Variants in ANXA13 observed in about 807,000 individuals in gnomAD.
ANXA13 encodes annexin XIII.
In ANXA13, 36 loss-of-function variants were observed where a neutral mutation model predicts 46.6. That is an observed-to-expected ratio of 0.77 (90% CI 0.59 to 1.02). ANXA13 has a LOEUF of 1.02. ANXA13 is among the 50% of genes least tolerant of loss of function. ANXA13 has a pLI of 0.00. For synonymous variants in ANXA13, 163 were observed against 152.9 expected (o/e 1.07, Z -0.49); for missense variants, 417 against 396.5 (o/e 1.05, Z -0.44).
At chr8:123,721,788 C>G (rs2129922010) in intron 1 of ANXA13, among the ~76,000 whole-genome samples, 1 of 152,214 alleles carries the variant, frequency 6.6e-6, no homozygotes, top group Admixed American at 6.5e-5. Flanking sequence ...GGGCATGGGT[C>G]CAGACCGTTT....
chr8:123,681,410 C>A, intron 10 of ANXA13, 51 bp from the exon 11 acceptor site: 3 of 1,575,086 alleles, frequency 1.9e-6, no homozygotes, highest in Non-Finnish European at 2.6e-6. Flanking sequence ...GGTGTGTTCA[C>A]AAACAGTGGG....
intron 8 of ANXA13, among the ~76,000 whole-genome samples, chr8:123,692,010 C>G (rs757122579): frequency 2.0e-5 from 3 of 152,220 alleles, no homozygotes; most frequent in Non-Finnish European, 2.9e-5. Flanking sequence ...CAGGGGAGTG[C>G]AGGGTCAGCT....
chr8:123,697,086 T>G (rs1224303794), intron 4 of ANXA13, among the ~76,000 whole-genome samples: 1 of 152,144 alleles, frequency 6.6e-6, no homozygotes, highest in African/African-American at 2.4e-5. Context: ...ATTTTTGTAT[T>G]TTTAGTAGAG....
Position 123,698,475 on chromosome 8 carries a change from C to T in ANXA13, c.271G>A (p.Ala91Thr), listed in dbSNP as rs145732784. 7.6e-4 allele frequency: 1,219 copies of T among 1,614,204 alleles called. 20 individuals carry two copies. In the East Asian group the frequency reaches 0.021, roughly 28 times the overall value. The change falls in exon 4 of 11, where the codon GCC (alanine) becomes ACC (threonine). Residue 91 changes from alanine to threonine, a missense_variant. By Grantham distance (58) the Ala-to-Thr change is moderately conservative (BLOSUM62 0). Transcript: ENST00000419625. ...ATAGCCTTCTGCAGCTGCCGGGCGG[C>T]GTACTCGCTGGGACGGTCCAGAAGG... is the stretch of plus-strand genomic sequence containing the variant. ...LALLDRPSEY[A>T]ARQLQKAMKG...
At chr8:123,700,112 G>T (rs539644821) in intron 3 of ANXA13, among the ~76,000 whole-genome samples, 35 of 152,220 alleles carry the variant, frequency 2.3e-4, no homozygotes, top group Non-Finnish European at 4.0e-4. Context: ...CCTACAAGGG[G>T]GCTGTTATAT....
chr8:123,710,030 A>G (rs1393021215), intron 2 of ANXA13, among the ~76,000 whole-genome samples: 2 of 152,190 alleles, frequency 1.3e-5, no homozygotes, highest in Non-Finnish European at 1.5e-5. Flanking sequence ...AAGTGCTGAG[A>G]TTACAGGTGT....
chr8:123,691,419 A>C (rs944105582), intron 8 of ANXA13, among the ~76,000 whole-genome samples: 2 of 152,204 alleles, frequency 1.3e-5, no homozygotes, highest in African/African-American at 4.8e-5. Flanking sequence ...TCCATAGATT[A>C]CCTTATTGTA....
intron 2 of ANXA13, among the ~76,000 whole-genome samples, chr8:123,704,584 A>T (rs1813506779): frequency 6.6e-6 from 1 of 151,976 alleles, no homozygotes; most frequent in Non-Finnish European, 1.5e-5. Flanking sequence ...TTTAGTAGAG[A>T]TGGGGTTTCA....
intron 9 of ANXA13, among the ~76,000 whole-genome samples, chr8:123,686,470 AAAAGAAAG>A (rs543852343): frequency 1.3e-5 from 2 of 148,806 alleles, no homozygotes; most frequent in Non-Finnish European, 3.0e-5. Context: ...AAAAAAAAAA[AAAAGAAAG>A]AAAGAAAGAA....
intron 1 of ANXA13, chr8:123,735,646 G>A: frequency 7.8e-7 from 1 of 1,283,366 alleles, no homozygotes; most frequent in Non-Finnish European, 1.0e-6. Flanking sequence ...CCTGATGATG[G>A]CTGGTGGCTG....
intron 1 of ANXA13, chr8:123,735,834 T>A: frequency 6.2e-7 from 1 of 1,612,576 alleles, no homozygotes; most frequent in Non-Finnish European, 8.5e-7. Context: ...GGAGTCCCCT[T>A]TAGGCAACTG....
intron 1 of ANXA13, among the ~76,000 whole-genome samples, chr8:123,730,246 T>C (rs373967951): frequency 6.6e-6 from 1 of 152,330 alleles, no homozygotes. Context: ...AGCACTCAAG[T>C]TGTTACTCCC....
chr8:123,724,015 C>A (rs1813935717), intron 1 of ANXA13, among the ~76,000 whole-genome samples: 1 of 152,122 alleles, frequency 6.6e-6, no homozygotes. Flanking sequence ...GAGTCAGTGG[C>A]AGTAGTAGGG....
Position 123,695,687 on chromosome 8 carries a change from C to T in ANXA13, c.391+1G>A, listed in dbSNP as rs780416939. On this transcript the variant is annotated splice_donor_variant, in intron 5 of 10. Coordinates refer to ENST00000419625, the MANE Select transcript of ANXA13 (RefSeq NM_004306.4). LOFTEE classifies it high-confidence loss of function. ...CAAAGCCAGAATGAAAAGTCACTTA[C>T]GCCTTTGGTAGGCCTCTTTAATGGC... 3.6e-5 allele frequency: 58 copies of T among 1,613,672 alleles called. No individual in the cohort carries two copies. The highest frequency in any genetic ancestry group is 4.6e-5 in the Non-Finnish European group (54 of 1,179,666).
At chr8:123,695,005 C>A (rs1192965024) in intron 6 of ANXA13, among the ~76,000 whole-genome samples, 1 of 151,958 alleles carries the variant, frequency 6.6e-6, no homozygotes, top group African/African-American at 2.4e-5. Flanking sequence ...GGCTGTGTCC[C>A]AGCAGGGCCA....
intron 3 of ANXA13, among the ~76,000 whole-genome samples, chr8:123,699,135 G>T (rs1344385061): frequency 6.6e-6 from 1 of 152,186 alleles, no homozygotes; most frequent in East Asian, 1.9e-4. Flanking sequence ...AGGTGAAGAA[G>T]AATGCAGGTA....
chr8:123,737,278 A>G (rs755473348), intron 1 of ANXA13, 42 bp downstream of exon 1: 17 of 1,595,630 alleles, frequency 1.1e-5, no homozygotes, highest in Middle Eastern at 3.3e-4. Context: ...TCCACATGCT[A>G]ACCAAAATTA....
Position 123,684,716 on chromosome 8 carries a change from C to T in ANXA13, c.725G>A (p.Cys242Tyr), listed in dbSNP as rs1813106612. The change falls in exon 10 of 11, where the codon TGT becomes TAT. Residue 242 changes from cysteine to tyrosine, a missense_variant. Physicochemically the swap from Cys to Tyr is radical, Grantham distance 194 (BLOSUM62 -2). Coordinates refer to ENST00000419625, the MANE Select transcript of ANXA13 (RefSeq NM_004306.4). ...AAAATAGTCCTCACAATCCTGGGCA[C>T]ATCTCACTGGGCAGGACAAAGGAAA... ...LQKAYLTLVR[C>Y]AQDCEDYFAE... is the part of the protein sequence containing the mutation. 4 of 1,609,660 alleles carry T rather than the reference C, an allele frequency of 2.5e-6. No homozygotes were observed. The highest frequency in any genetic ancestry group is 2.7e-5 in the African/African-American group (2 of 74,954).
intron 9 of ANXA13, among the ~76,000 whole-genome samples, chr8:123,685,550 G>A (rs1195156493): frequency 1.3e-5 from 2 of 152,170 alleles, no homozygotes; most frequent in Non-Finnish European, 1.5e-5. Flanking sequence ...ACTTGATGAT[G>A]TTAGTGATTA....
Sources: allele counts gnomAD v4.1 joint callset (sites outside exome capture counted in the v4.1 genomes callset), GRCh38; gene constraint gnomAD v4.1.1; transcripts MANE v1.5; gene names NCBI Gene and HGNC (gene_info 2026-07-23, HGNC 2026-07-21).